ARHGAP32: variants seen among roughly 807,000 people sequenced by gnomAD.
ARHGAP32 encodes the protein rho GTPase-activating protein 32.
In ARHGAP32, 51 loss-of-function variants were observed where a neutral mutation model predicts 186.5. That is an observed-to-expected ratio of 0.27 (90% CI 0.22 to 0.35). ARHGAP32 has a LOEUF of 0.35. Ranked by LOEUF, ARHGAP32 falls within the 10% of genes least tolerant of loss-of-function variation. The pLI is 1.00. For missense variants in ARHGAP32, 2,186 were observed against 2,623.5 expected (o/e 0.83, Z 3.64); for synonymous variants, 950 against 964.3 (o/e 0.99, Z 0.27).
chr11:129,238,498 T>A (rs1165556148), intron 1 of ARHGAP32, among the ~76,000 whole-genome samples: 1 of 152,120 alleles, frequency 6.6e-6, no homozygotes, highest in East Asian at 1.9e-4. Flanking sequence ...CCACCACACA[T>A]CTATAAATGT....
intron 1 of ARHGAP32, among the ~76,000 whole-genome samples, chr11:129,216,626 G>C (rs561069340): frequency 6.8e-6 from 1 of 146,508 alleles, no homozygotes; most frequent in South Asian, 2.2e-4. Context: ...AGCCAAGATT[G>C]CGCCACTGCA....
chr11:129,217,415 C>T (rs887841360), intron 1 of ARHGAP32, among the ~76,000 whole-genome samples: 2 of 152,130 alleles, frequency 1.3e-5, no homozygotes, highest in African/African-American at 4.8e-5. Flanking sequence ...CATGTCATGC[C>T]AAGGGGTATG....
intron 1 of ARHGAP32, among the ~76,000 whole-genome samples, chr11:129,235,449 T>C (rs1944916188): frequency 6.6e-6 from 1 of 152,174 alleles, no homozygotes; most frequent in Non-Finnish European, 1.5e-5. Context: ...TCATCATCTG[T>C]AGCAAAAGTA....
intron 2 of ARHGAP32, among the ~76,000 whole-genome samples, chr11:129,129,303 C>T (rs1486086065): frequency 6.7e-6 from 1 of 148,752 alleles, no homozygotes; most frequent in Non-Finnish European, 1.5e-5. Flanking sequence ...AGGACCCCCT[C>T]CGCCCGGCAG....
Position 129,218,685 on chromosome 11 carries a change from A to G in ARHGAP32, c.-4-54258T>C, listed in dbSNP as rs1177380098. On this transcript the variant is annotated intron_variant, in intron 1 of 6. Coordinates refer to the ARHGAP32 transcript ENST00000525234. ...AGGAGCCTGAGTAAAATATTTTCCA[A>G]ATGAAAGCGTCTGACGCACTGGAGA... Among the ~76,000 whole-genome samples the G allele has an allele frequency of 3.9e-5, 6 of 152,134 alleles. No homozygotes were observed. The East Asian group carries it at 1.2e-3, about 29-fold the overall frequency.
intron 2 of ARHGAP32, among the ~76,000 whole-genome samples, chr11:129,138,774 C>T (rs989235184): frequency 1.3e-5 from 2 of 152,162 alleles, no homozygotes; most frequent in Middle Eastern, 3.2e-3. Flanking sequence ...ATTAACAGAA[C>T]ACCAATGAGT....
intron 1 of ARHGAP32, among the ~76,000 whole-genome samples, chr11:129,209,020 G>A (rs942384223): frequency 6.6e-6 from 1 of 152,018 alleles, no homozygotes; most frequent in African/African-American, 2.4e-5. Flanking sequence ...AAGAAAGAAT[G>A]GTAATTTAAA....
intron 10 of ARHGAP32, 118 bp downstream of exon 10, chr11:129,062,162 G>A (rs1020840527): frequency 3.2e-5 from 25 of 777,458 alleles, no homozygotes; most frequent in African/African-American, 2.3e-4. Flanking sequence ...ATTTTCTATC[G>A]TTGCAGACAA....
chr11:129,123,350 G>T lies in ARHGAP32; in HGVS notation c.444+96C>A. Reference sequence around the variant, plus strand: ...CAATTAAAAAAAAAACTACTTCAAAGTGTCATCTATTAGATACAGATATAT... The same window carrying T: ...CAATTAAAAAAAAAACTACTTCAAATTGTCATCTATTAGATACAGATATAT... On this transcript the variant is annotated intron_variant, in intron 5 of 22. Transcript: ENST00000682385. This position sits in a 1 kb window ranked among gnomAD's most constrained non-coding sequence, Gnocchi z 4.6. The T allele has an allele frequency of 2.0e-6, 2 of 988,888 alleles. No individual in the cohort carries two copies. The highest frequency in any genetic ancestry group is 1.5e-6 in the Non-Finnish European group (1 of 676,208). 61.3% of individuals were successfully genotyped at this position (988,888 alleles called of 1,614,324 possible).
intron 10 of ARHGAP32, among the ~76,000 whole-genome samples, chr11:129,061,310 T>C (rs900380856): frequency 1.3e-5 from 2 of 152,180 alleles, no homozygotes; most frequent in African/African-American, 4.8e-5. Flanking sequence ...TAATAGATGT[T>C]ATTATCAGGT....
At chr11:129,024,758 G>T (rs904325344) in intron 11 of ARHGAP32, among the ~76,000 whole-genome samples, 5 of 152,116 alleles carry the variant, frequency 3.3e-5, no homozygotes, top group African/African-American at 4.8e-5. Flanking sequence ...CTTCACCCAT[G>T]GAGTCCCAAG....
rs151254716 is a variant in ARHGAP32 at position 129,273,678 on chromosome 11, A to G, written c.-5+5468T>C. 4.5e-4 allele frequency among the ~76,000 whole-genome samples: 69 copies of G among 152,286 alleles called. No individual in the cohort carries two copies. The East Asian group carries it at 0.01, about 23-fold the overall frequency. ...CATCTTAAGAGTCCTTCAACCACCT[A>G]TATTTCTCCAATGAAAGGAGGAACA... On this transcript the variant is annotated intron_variant, in intron 1 of 6. Transcript: ENST00000525234.
chr11:129,193,493 A>T (rs1317294975), upstream of ARHGAP32, among the ~76,000 whole-genome samples: 115 of 98,564 alleles, frequency 1.2e-3, no homozygotes, highest in African/African-American at 4.4e-3. Context: ...AAAAAAAAAA[A>T]AAAAAAATAT....
chr11:129,116,128 G>C (rs1942361573), intron 5 of ARHGAP32, among the ~76,000 whole-genome samples: 1 of 152,064 alleles, frequency 6.6e-6, no homozygotes, highest in African/African-American at 2.4e-5. Context: ...AGGCTACAGA[G>C]AGACAGAGAA....
intron 6 of ARHGAP32, among the ~76,000 whole-genome samples, chr11:129,070,705 GTGAAA>G (rs1940840918): frequency 1.3e-5 from 2 of 151,948 alleles, no homozygotes; most frequent in African/African-American, 2.4e-5. Context: ...TAAAATCGTT[GTGAAA>G]TGAAAAGTTA....
rs1940711932 is a variant in ARHGAP32, at chr11:129,066,885, G to T, written c.532-17C>A. The T allele has an allele frequency of 2.5e-6, 4 of 1,579,466 alleles. No homozygotes were observed. In the African/African-American group the frequency reaches 4.1e-5, roughly 16 times the overall value. ...ACTTTTTCCCTATTGGTAGAAAAAA[G>T]AAACTCATATAATTCACCTCTATTG... On this transcript the variant is annotated splice_polypyrimidine_tract_variant and intron_variant, in intron 6 of 22. Transcript: ENST00000682385.
chr11:129,121,333 G>A (rs932132342), intron 5 of ARHGAP32, among the ~76,000 whole-genome samples: 3 of 152,024 alleles, frequency 2.0e-5, no homozygotes, highest in African/African-American at 7.2e-5. Context: ...TTAGTTAATG[G>A]AAACTAATGT....
rs1346127158 is a variant in ARHGAP32 at position 128,973,241 on chromosome 11, T to C, written c.3265A>G (p.Ile1089Val). 1 of 1,614,216 alleles carries C rather than the reference T, an allele frequency of 6.2e-7. No individual in the cohort carries two copies. The highest frequency in any genetic ancestry group is 1.1e-5 in the South Asian group (1 of 91,082). ...TTATCTTCAGTTGTAGCCACCGCTA[T>C]GTCTCCATAATTTGTATACCCAGCC... is the stretch of plus-strand genomic sequence containing the variant. Reference protein sequence around the residue: ...SQAGYTNYGDIAVATTEDNLS... With the variant: ...SQAGYTNYGDVAVATTEDNLS... The change falls in exon 22 of 23, where the codon ATA (isoleucine) becomes GTA (valine). Residue 1089 changes from isoleucine to valine, a missense_variant. Physicochemically the swap from Ile to Val is conservative, Grantham distance 29. Coordinates refer to ENST00000682385, the MANE Select transcript of ARHGAP32 (RefSeq NM_001378024.1).
chr11:129,059,624 C>T (rs915722358), intron 10 of ARHGAP32, among the ~76,000 whole-genome samples: 1 of 151,596 alleles, frequency 6.6e-6, no homozygotes, highest in African/African-American at 2.4e-5. Flanking sequence ...CTCAGCCTCC[C>T]AAGCAGCTGG....
Sources: gnomAD v4.1 joint callset for allele counts (sites outside exome capture counted in the v4.1 genomes callset) on GRCh38, gnomAD v4.1.1 for gene constraint, Gnocchi (gnomAD v3.1) non-coding constraint, MANE v1.5 for transcripts, NCBI Gene and HGNC (gene_info 2026-07-23, HGNC 2026-07-21) for gene names.